HADHB: variants seen among roughly 807,000 people sequenced by gnomAD.
The protein encoded by HADHB is trifunctional enzyme subunit beta, mitochondrial.
In HADHB, 50 loss-of-function variants were observed where a neutral mutation model predicts 61.9. The observed-to-expected ratio is 0.81, with a 90% CI of 0.64 to 1.02. The LOEUF (loss-of-function observed/expected upper bound fraction) is 1.02. HADHB is among the 50% of genes least tolerant of loss of function. The pLI, the probability that HADHB is intolerant of heterozygous loss-of-function variation, is 0.00. For synonymous variants in HADHB, 191 were observed against 201.6 expected, an observed-to-expected ratio of 0.95 and a Z score of 0.45; for missense variants, 504 against 586.5, an observed-to-expected ratio of 0.86 and a Z score of 1.45.
chr2:26,254,371 C>A, intron 2 of HADHB, 53 bp downstream of exon 2: 1 of 1,456,320 alleles, frequency 6.9e-7, no homozygotes, highest in South Asian at 1.1e-5. Context: ...GATTTATAAA[C>A]ATCTCGCACA....
chr2:26,249,237 A>G (rs185932092), intron 1 of HADHB, among the ~76,000 whole-genome samples: 2 of 152,018 alleles, frequency 1.3e-5, no homozygotes, highest in Admixed American at 1.3e-4. Flanking sequence ...TTGGCTTCTT[A>G]AAGGGGATTT....
intron 1 of HADHB, among the ~76,000 whole-genome samples, chr2:26,247,214 G>A (rs1008802766): frequency 5.3e-5 from 8 of 152,068 alleles, no homozygotes; most frequent in African/African-American, 1.7e-4. Flanking sequence ...CCTTACTCAG[G>A]CTTACCCTAA....
intron 5 of HADHB, among the ~76,000 whole-genome samples, chr2:26,273,386 T>C (rs1187282035): frequency 6.6e-6 from 1 of 152,202 alleles, no homozygotes; most frequent in African/African-American, 2.4e-5. Flanking sequence ...AGGTTTCTTA[T>C]CTATTTTATT....
intron 1 of HADHB, among the ~76,000 whole-genome samples, chr2:26,248,485 G>C (rs1261123927): frequency 6.6e-6 from 1 of 151,944 alleles, no homozygotes; most frequent in Non-Finnish European, 1.5e-5. Flanking sequence ...TTACGCTAGA[G>C]ACCTATATAT....
At chr2:26,269,383 G>C (rs868631212) in intron 4 of HADHB, among the ~76,000 whole-genome samples, 1 of 151,868 alleles carries the variant, frequency 6.6e-6, no homozygotes, top group African/African-American at 2.4e-5. Context: ...TTTTGTAAGA[G>C]ACAAGGTCTT....
chr2:26,275,347 T>A (rs978519532), intron 6 of HADHB, among the ~76,000 whole-genome samples: 2 of 152,236 alleles, frequency 1.3e-5, no homozygotes, highest in Admixed American at 1.3e-4. Flanking sequence ...TTCATGAACC[T>A]GACTTTGTTG....
At chr2:26,269,025 C>T (rs180830282) in intron 4 of HADHB, among the ~76,000 whole-genome samples, 194 of 151,780 alleles carry the variant, frequency 1.3e-3, no homozygotes, top group Non-Finnish European at 1.8e-3. Flanking sequence ...GGTGGGTGCC[C>T]GTAATCCCAG....
intron 4 of HADHB, among the ~76,000 whole-genome samples, chr2:26,267,771 CAAA>C (rs772133699): frequency 5.9e-5 from 4 of 67,442 alleles, no homozygotes; most frequent in Admixed American, 1.4e-4. Context: ...GACTCTGTCT[CAAA>C]AAAAAAAAAA....
intron 7 of HADHB, among the ~76,000 whole-genome samples, chr2:26,278,111 T>C (rs986392601): frequency 6.6e-6 from 1 of 152,204 alleles, no homozygotes; most frequent in African/African-American, 2.4e-5. Context: ...TGGCGGGGAA[T>C]GATGCCCGTG....
rs1348685587 is a variant in HADHB at position 26,290,211 on chromosome 2, T to C, written c.*258T>C. On this transcript the variant is annotated 3_prime_UTR_variant, in exon 16 of 16. Coordinates refer to ENST00000317799, the MANE Select transcript of HADHB (RefSeq NM_000183.3). ...GTGGGTGGTTGTTTTTGGTCTCTGT[T>C]GTCACTAAAGACTAAATGAGGGTTT... 1 of 534,978 alleles carries C rather than the reference T, an allele frequency of 1.9e-6. No individual in the cohort carries two copies. Among genetic ancestry groups the C allele is most frequent in the Admixed American group, 3.2e-5 (1 of 31,622 alleles). 33.1% of individuals were successfully genotyped at this position (534,978 alleles called of 1,614,324 possible).
chr2:26,274,889 T>A (rs747429358), intron 6 of HADHB, among the ~76,000 whole-genome samples: 5 of 152,164 alleles, frequency 3.3e-5, no homozygotes, highest in Admixed American at 6.5e-5. Flanking sequence ...AAAAAATAAA[T>A]AAATAAAAAT....
intron 3 of HADHB, among the ~76,000 whole-genome samples, chr2:26,261,962 C>T (rs1178991841): frequency 1.3e-5 from 2 of 152,120 alleles, no homozygotes; most frequent in Non-Finnish European, 2.9e-5. Flanking sequence ...CATGTTGATA[C>T]TGCCTTTATC....
chr2:26,260,829 T>C, intron 3 of HADHB: 1 of 598,366 alleles, frequency 1.7e-6, no homozygotes. Context: ...TTTCTGCTTC[T>C]ATCATTCTTC....
intron 9 of HADHB, among the ~76,000 whole-genome samples, chr2:26,279,571 T>C (rs1192878044): frequency 6.6e-6 from 1 of 151,866 alleles, no homozygotes. Context: ...GGAGGATCGC[T>C]TGAGGCCAGG....
At chr2:26,270,569 T>A (rs982581260) in intron 5 of HADHB, among the ~76,000 whole-genome samples, 1 of 152,218 alleles carries the variant, frequency 6.6e-6, no homozygotes. Context: ...GTTTTTTTTT[T>A]CTTCCTGCAA....
chr2:26,254,112 T>C (rs1671515752), intron 1 of HADHB, 135 bp from the exon 2 acceptor site: 1 of 651,808 alleles, frequency 1.5e-6, no homozygotes. Context: ...TATTATTAGA[T>C]GAAGAATAGT....
chr2:26,268,206 G>A (rs1277877357), intron 4 of HADHB, among the ~76,000 whole-genome samples: 3 of 152,202 alleles, frequency 2.0e-5, no homozygotes, highest in South Asian at 4.2e-4. Flanking sequence ...TACTTGCTGC[G>A]AGATCTACAA....
chr2:26,252,676 C>T (rs1348092199), intron 1 of HADHB, among the ~76,000 whole-genome samples: 2 of 152,182 alleles, frequency 1.3e-5, no homozygotes, highest in African/African-American at 4.8e-5. Context: ...ATTTCCTTAC[C>T]TTTTACAGCT....
chr2:26,255,195 A>T (rs1385621778), intron 3 of HADHB, among the ~76,000 whole-genome samples: 2 of 152,122 alleles, frequency 1.3e-5, no homozygotes, highest in Non-Finnish European at 2.9e-5. Context: ...CTACCTGTAT[A>T]ATAATAGAAA....
Sources: gnomAD v4.1 joint callset for allele counts (sites outside exome capture counted in the v4.1 genomes callset) on GRCh38, gnomAD v4.1.1 for gene constraint, MANE v1.5 for transcripts, NCBI Gene and HGNC (gene_info 2026-07-23, HGNC 2026-07-21) for gene names.